CACNA1H: variants seen among roughly 807,000 people sequenced by gnomAD.
CACNA1H encodes the protein voltage-dependent T-type calcium channel subunit alpha-1H.
In CACNA1H, 149 loss-of-function variants were observed where a neutral mutation model predicts 192.5. That is an observed-to-expected ratio of 0.77 (90% CI 0.68 to 0.89). The LOEUF is 0.89. CACNA1H is among the 40% of genes least tolerant of loss of function. CACNA1H has a pLI of 0.00. For synonymous variants in CACNA1H, 2,202 were observed against 1,475.2 expected, an observed-to-expected ratio of 1.49 and a Z score of -11.29; for missense variants, 4,257 against 3,423.5, an observed-to-expected ratio of 1.24 and a Z score of -6.08.
intron 2 of CACNA1H, among the ~76,000 whole-genome samples, chr16:1,158,766 C>T (rs968767577): frequency 1.8e-4 from 27 of 152,098 alleles, no homozygotes; most frequent in Non-Finnish European, 2.8e-4. Context: ...GCCGAGAGAG[C>T]TCTAGTTCCA....
Position 1,167,648 on chromosome 16 carries a change from G to A in CACNA1H, c.299+13612G>A, listed in dbSNP as rs554183257. On this transcript the variant is annotated intron_variant, in intron 2 of 34. Transcript: ENST00000348261. This position sits in a 1 kb window ranked among gnomAD's most constrained non-coding sequence, Gnocchi z 4.2. ...AATCCCCAGCTGCTCCTGGTTGACCGGCCCGGCCTGTGTTACATAAAGCGG... is the reference window on the plus strand; with the variant it reads ...AATCCCCAGCTGCTCCTGGTTGACCAGCCCGGCCTGTGTTACATAAAGCGG... Among the ~76,000 whole-genome samples the A allele has an allele frequency of 2.6e-5, 4 of 152,270 alleles. No individual in the cohort carries two copies. The highest frequency in any genetic ancestry group is 4.8e-5 in the African/African-American group (2 of 41,562).
At chr16:1,212,246 C>T in intron 25 of CACNA1H, 108 bp downstream of exon 25, 4 of 1,427,402 alleles carry the variant, frequency 2.8e-6, no homozygotes, top group Non-Finnish European at 3.7e-6. Context: ...GCTCTGCACG[C>T]CACCCGCCTT....
In CACNA1H at chr16:1,220,949, C is replaced by T. The variant is rs1970439894; in HGVS notation, c.7017C>T (p.Pro2339=). 1.2e-6 allele frequency: 2 copies of T among 1,606,814 alleles called. No homozygotes were observed. The highest frequency in any genetic ancestry group is 1.7e-6 in the Non-Finnish European group (2 of 1,176,396). Residue 2339 remains proline (P), a synonymous_variant, in exon 35 of 35, where the codon CCC becomes CCT. Transcript: ENST00000348261. ...PQCPLEKPGS[P]SATPAPGGGA... is the part of the protein sequence containing the mutation. ...GTCCTCTGGAGAAACCAGGGTCCCC[C>T]TCAGCCACCCCTGCCCCAGGGGGTG...
chr16:1,201,180 T>G (rs1967840238), intron 8 of CACNA1H, among the ~76,000 whole-genome samples: 1 of 152,120 alleles, frequency 6.6e-6, no homozygotes, highest in African/African-American at 2.4e-5. Context: ...GCCGCAGACG[T>G]CTGTGGGGTC....
intron 13 of CACNA1H, 49 bp from the exon 14 acceptor site, chr16:1,207,226 G>T: frequency 6.4e-7 from 1 of 1,563,466 alleles, no homozygotes; most frequent in Non-Finnish European, 8.7e-7. Flanking sequence ...AGGACTTGCC[G>T]GCATTTCGGG....
At chr16:1,219,270 C>T (rs1970290194) in intron 34 of CACNA1H, 140 bp downstream of exon 34, 6 of 803,298 alleles carry the variant, frequency 7.5e-6, no homozygotes, top group South Asian at 2.0e-5. Context: ...CCGAAGGTTT[C>T]TGCCTGCTGC....
At chr16:1,174,690 T>TA (rs1433037217) in intron 2 of CACNA1H, among the ~76,000 whole-genome samples, 6 of 151,468 alleles carry the variant, frequency 4.0e-5, no homozygotes, top group Admixed American at 2.0e-4. Context: ...AATGTTAGTT[T>TA]AAAAAAAAAT....
chr16:1,205,616 C>T (rs547731084), intron 11 of CACNA1H, among the ~76,000 whole-genome samples: 76 of 152,334 alleles, frequency 5.0e-4, no homozygotes, highest in African/African-American at 1.7e-3. Context: ...AAGGCTGAAT[C>T]CTGCTTGCTG....
intron 2 of CACNA1H, among the ~76,000 whole-genome samples, chr16:1,194,088 C>T (rs1395317246): frequency 5.9e-5 from 9 of 152,098 alleles, no homozygotes; most frequent in Admixed American, 4.6e-4. Flanking sequence ...GCGCTGAGGC[C>T]TGTGGTCTGC....
intron 2 of CACNA1H, among the ~76,000 whole-genome samples, chr16:1,160,485 G>A (rs1294958070): frequency 3.9e-5 from 6 of 152,150 alleles, no homozygotes; most frequent in South Asian, 2.1e-4. Flanking sequence ...GCCCCTGCCC[G>A]GCTCAGGAGA....
At chr16:1,212,932 G>A (rs1442832778) in intron 26 of CACNA1H, among the ~76,000 whole-genome samples, 1 of 152,224 alleles carries the variant, frequency 6.6e-6, no homozygotes, top group Non-Finnish European at 1.5e-5. Flanking sequence ...GGTGGCGGGT[G>A]GATCCTGCTC....
chr16:1,195,330 G>A, intron 3 of CACNA1H, 102 bp from the exon 4 acceptor site: 1 of 1,461,146 alleles, frequency 6.8e-7, no homozygotes, highest in Non-Finnish European at 9.2e-7. Context: ...GCGGGGCGAG[G>A]GGTGTGGCAA....
chr16:1,211,077 T>C, intron 21 of CACNA1H, 91 bp from the exon 22 acceptor site: 1 of 1,562,166 alleles, frequency 6.4e-7, no homozygotes, highest in South Asian at 1.2e-5. Context: ...GGCCGCCCAC[T>C]CGGCCCCACC....
chr16:1,208,017 G>A lies in CACNA1H; in HGVS notation c.3159G>A (p.Leu1053=). ...HKLRELQTTE[L]KMCSLAVTPN... ...ATTCCTCCCTCTGTCCCGCAGAGCTGAAGATGTGTTCCCTGGCCGTGACCC... is the reference window on the plus strand; with the variant it reads ...ATTCCTCCCTCTGTCCCGCAGAGCTAAAGATGTGTTCCCTGGCCGTGACCC... Residue 1053 remains leucine (L), a synonymous_variant, in exon 16 of 35, where the codon CTG becomes CTA. Transcript: ENST00000348261. 1 of 1,603,468 alleles carries A rather than the reference G, an allele frequency of 6.2e-7. No individual in the cohort carries two copies. Among genetic ancestry groups the A allele is most frequent in the Non-Finnish European group, 8.5e-7 (1 of 1,175,856 alleles).
Position 1,220,111 on chromosome 16 carries a change from G to T in CACNA1H, c.6179G>T (p.Arg2060Leu). 6.7e-7 allele frequency: 1 copy of T among 1,484,422 alleles called. No individual in the cohort carries two copies. The highest frequency in any genetic ancestry group is 8.9e-7 in the Non-Finnish European group (1 of 1,119,148). 92.0% of individuals were successfully genotyped at this position (1,484,422 alleles called of 1,614,324 possible). A position where few individuals can be genotyped will look rare whatever the true frequency, so the allele number is the denominator to read the frequency against. Residue 2060 changes from arginine (R) to leucine (L), a missense_variant, in exon 35 of 35, where the codon CGC (arginine) becomes CTC (leucine). Physicochemically the swap from Arg to Leu is moderately radical, Grantham distance 102. Transcript: ENST00000348261. ...GGGGGCTCCCTGCAGTCCCCACCACGCTCCCCACGGCCCGCCAGCGTCCGC... is the reference window on the plus strand; with the variant it reads ...GGGGGCTCCCTGCAGTCCCCACCACTCTCCCCACGGCCCGCCAGCGTCCGC... ...TQGGSLQSPP[R>L]SPRPASVRTR...
rs1964718778 is a variant in CACNA1H, at chr16:1,174,923, C to A, written c.300-20049C>A. On this transcript the variant is annotated intron_variant, in intron 2 of 34. Transcript: ENST00000348261. ...GGGAGGCCCCCACCCGCACCTTCAC[C>A]CCCAACCCCCACGTCCACCCCCCCA... 2.0e-5 allele frequency among the ~76,000 whole-genome samples: 3 copies of A among 150,892 alleles called. No individual in the cohort carries two copies. The South Asian group carries it at 6.3e-4, about 32-fold the overall frequency.
rs200874037 is a variant in CACNA1H at position 1,215,144 on chromosome 16, G to A, written c.5039+63G>A. Reference sequence around the variant, plus strand: ...CTCAGGGCTCTGGGGGCTGGGGGCAGGTGAGGCCGCAGGCTTTCCCACGGA... The same window carrying A: ...CTCAGGGCTCTGGGGGCTGGGGGCAAGTGAGGCCGCAGGCTTTCCCACGGA... On this transcript the variant is annotated intron_variant, in intron 28 of 34. Transcript: ENST00000348261. 5.2e-4 allele frequency: 820 copies of A among 1,583,262 alleles called. 2 individuals carry two copies. Among genetic ancestry groups the A allele is most frequent in the Non-Finnish European group, 6.4e-4 (748 of 1,164,216 alleles).
At chr16:1,154,971 G>A (rs1005460269) in intron 2 of CACNA1H, among the ~76,000 whole-genome samples, 7 of 152,210 alleles carry the variant, frequency 4.6e-5, no homozygotes, top group African/African-American at 1.7e-4. Context: ...CCAGGCCGTG[G>A]CTTCTGCTCC....
intron 2 of CACNA1H, among the ~76,000 whole-genome samples, chr16:1,191,393 G>A (rs573842868): frequency 2.3e-4 from 20 of 88,670 alleles, no homozygotes; most frequent in African/African-American, 3.8e-4. Context: ...AGGCACACTC[G>A]GGGTTTCGGT....
Sources: gnomAD v4.1 joint callset for allele counts (sites outside exome capture counted in the v4.1 genomes callset) on GRCh38, gnomAD v4.1.1 for gene constraint, Gnocchi (gnomAD v3.1) non-coding constraint, MANE v1.5 for transcripts, NCBI Gene and HGNC (gene_info 2026-07-23, HGNC 2026-07-21) for gene names.